EDNRA: variants seen among roughly 807,000 people sequenced by gnomAD.
EDNRA encodes endothelin-1 receptor.
A neutral mutation model predicts 41.4 loss-of-function variants in EDNRA; 11 were observed. That is an observed-to-expected ratio of 0.27 (90% confidence interval 0.17 to 0.44). EDNRA has a LOEUF of 0.44. EDNRA is among the 20% of genes least tolerant of loss of function. EDNRA has a pLI of 1.00. For synonymous variants in EDNRA, 172 were observed against 183.0 expected (o/e 0.94, Z 0.49); for missense variants, 294 against 531.0 (o/e 0.55, Z 4.39).
chr4:147,531,402 A>G (rs180926182), intron 3 of EDNRA, among the ~76,000 whole-genome samples: 3 of 152,362 alleles, frequency 2.0e-5, no homozygotes, highest in Non-Finnish European at 4.4e-5. Context: ...CTGTGCTCAC[A>G]TAAGAAGGGA....
intron 1 of EDNRA, among the ~76,000 whole-genome samples, chr4:147,482,656 G>A (rs1198805699): frequency 6.6e-6 from 1 of 152,226 alleles, no homozygotes; most frequent in African/African-American, 2.4e-5. Context: ...CATGTGTGGA[G>A]AGCTGATAGA....
At chr4:147,506,468 TG>T (rs1729720327) in intron 2 of EDNRA, 1 of 355,226 alleles carries the variant, frequency 2.8e-6, no homozygotes, top group South Asian at 2.8e-5. Context: ...TGGACAAAGT[TG>T]TAACAGCCAG....
intron 2 of EDNRA, among the ~76,000 whole-genome samples, chr4:147,516,329 T>G (rs1167767610): frequency 1.3e-5 from 2 of 152,236 alleles, no homozygotes. Context: ...AATAGCACAG[T>G]ATTCTCCCAC....
chr4:147,509,778 G>A (rs1729856500), intron 2 of EDNRA, among the ~76,000 whole-genome samples: 1 of 152,006 alleles, frequency 6.6e-6, no homozygotes, highest in Admixed American at 6.6e-5. Flanking sequence ...CCCTAGATGG[G>A]ACCATCTAGT....
Position 147,543,720 on chromosome 4 carries a change from C to CT in EDNRA, c.*1108dup, listed in dbSNP as rs909839858. On this transcript the variant is annotated 3_prime_UTR_variant, in exon 8 of 8. Transcript: ENST00000651419. Reference sequence around the variant, plus strand: ...CTTAAAATGTTAACTGGCAGTAAGTCTTTTTTGATCATTCCCTTTTCCATA... The same window carrying CT: ...CTTAAAATGTTAACTGGCAGTAAGTCTTTTTTTGATCATTCCCTTTTCCATA... 5.2e-5 allele frequency: 8 copies of CT among 152,554 alleles called. No homozygotes were observed. Among genetic ancestry groups the CT allele is most frequent in the African/African-American group, 1.9e-4 (8 of 41,402 alleles). The allele number at this position is 152,554 out of a possible 1,614,324, so 9.5% of individuals were successfully genotyped here.
intron 7 of EDNRA, among the ~76,000 whole-genome samples, chr4:147,541,373 T>C (rs919561107): frequency 6.6e-6 from 1 of 152,196 alleles, no homozygotes; most frequent in Non-Finnish European, 1.5e-5. Flanking sequence ...AACTTTAGCT[T>C]ATGGTACATA....
At chr4:147,498,065 C>A (rs1729377065) in intron 2 of EDNRA, among the ~76,000 whole-genome samples, 1 of 152,178 alleles carries the variant, frequency 6.6e-6, no homozygotes, top group Non-Finnish European at 1.5e-5. Flanking sequence ...TTAATATCAT[C>A]AGCAAAATTT....
chr4:147,541,007 G>T (rs1268591415), intron 7 of EDNRA, among the ~76,000 whole-genome samples: 1 of 140,686 alleles, frequency 7.1e-6, no homozygotes, highest in African/African-American at 2.7e-5. Context: ...GGTGGAGCTT[G>T]CAGTGAGCCG....
Position 147,520,092 on chromosome 4 carries a change from G to A in EDNRA, c.548+114G>A, listed in dbSNP as rs575124884. On this transcript the variant is annotated intron_variant, in intron 3 of 7. Transcript: ENST00000651419. ...GGACAGCTGTTGATTAGCTTCAAGTGAATTAAAGCATTAACCATCTTGCCT... is the reference window on the plus strand; with the variant it reads ...GGACAGCTGTTGATTAGCTTCAAGTAAATTAAAGCATTAACCATCTTGCCT... 52 of 1,327,158 alleles carry A rather than the reference G, an allele frequency of 3.9e-5. No homozygotes were observed. The African/African-American group carries it at 5.6e-4, about 14-fold the overall frequency. 82.2% of individuals were successfully genotyped at this position (1,327,158 alleles called of 1,614,324 possible).
In EDNRA at chr4:147,542,700, C is replaced by T; in HGVS notation, c.*82C>T. 6.6e-7 allele frequency: 1 copy of T among 1,526,046 alleles called. No homozygotes were observed. The highest frequency in any genetic ancestry group is 1.3e-5 in the South Asian group (1 of 79,638). The allele number at this position is 1,526,046 out of a possible 1,614,324, so 94.5% of individuals were successfully genotyped here. A position where few individuals can be genotyped will look rare whatever the true frequency, so the allele number is the denominator to read the frequency against. On this transcript the variant is annotated 3_prime_UTR_variant, in exon 8 of 8. Transcript: ENST00000651419. ...AAGGCAACTGTGAGTCCGGGAATCT[C>T]TTCTCTGATCCTTCTTCCTTAATTC...
chr4:147,529,911 AT>A (rs1348026008), intron 3 of EDNRA, among the ~76,000 whole-genome samples: 1 of 152,210 alleles, frequency 6.6e-6, no homozygotes, highest in Non-Finnish European at 1.5e-5. Context: ...TGGAGATGTT[AT>A]CGAGATCTGT....
chr4:147,495,735 G>A (rs1255783077), intron 2 of EDNRA: 1 of 152,212 alleles, frequency 6.6e-6, no homozygotes, highest in African/African-American at 2.4e-5. Context: ...ACAGAAGAAT[G>A]AATGTCTATG....
chr4:147,535,761 A>G, intron 4 of EDNRA, 116 bp from the exon 5 acceptor site: 3 of 1,290,574 alleles, frequency 2.3e-6, no homozygotes, highest in Admixed American at 2.2e-5. Flanking sequence ...ACCAGAGAGC[A>G]TGATTTTACA....
intron 3 of EDNRA, among the ~76,000 whole-genome samples, chr4:147,525,163 A>G (rs1730490161): frequency 6.6e-6 from 1 of 152,240 alleles, no homozygotes; most frequent in Non-Finnish European, 1.5e-5. Context: ...TCGTCAATCA[A>G]TGATTACAGA....
intron 2 of EDNRA, chr4:147,494,828 C>T (rs1284576463): frequency 6.6e-6 from 1 of 152,064 alleles, no homozygotes; most frequent in Non-Finnish European, 1.5e-5. Context: ...AAAGTTATGT[C>T]CAGATGAGTG....
intron 3 of EDNRA, among the ~76,000 whole-genome samples, chr4:147,526,699 C>T (rs777314816): frequency 6.6e-6 from 1 of 152,212 alleles, no homozygotes; most frequent in African/African-American, 2.4e-5. Context: ...AGTGGCTCAG[C>T]CTTAGGAGGC....
intron 4 of EDNRA, among the ~76,000 whole-genome samples, chr4:147,534,805 A>G (rs973461602): frequency 1.3e-5 from 2 of 152,156 alleles, no homozygotes; most frequent in Non-Finnish European, 1.5e-5. Flanking sequence ...TATGCATGTA[A>G]AAGTATTATT....
At chr4:147,499,749 T>C (rs1729442805) in intron 2 of EDNRA, among the ~76,000 whole-genome samples, 2 of 152,058 alleles carry the variant, frequency 1.3e-5, no homozygotes, top group South Asian at 4.1e-4. Flanking sequence ...AGATTTTTCA[T>C]TTATTTTAGA....
At chr4:147,497,338 G>A (rs564451652) in intron 2 of EDNRA, among the ~76,000 whole-genome samples, 2 of 151,468 alleles carry the variant, frequency 1.3e-5, no homozygotes, top group East Asian at 3.9e-4. Flanking sequence ...GTCTTGTGTG[G>A]CCTGTGTATG....
Sources: gnomAD v4.1 joint callset for allele counts (sites outside exome capture counted in the v4.1 genomes callset) on GRCh38, gnomAD v4.1.1 for gene constraint, MANE v1.5 for transcripts, NCBI Gene and HGNC (gene_info 2026-07-23, HGNC 2026-07-21) for gene names.